Variants in ZNF420 observed in about 807,000 individuals in gnomAD.
The protein encoded by ZNF420 is ATM and p53-associated KZNF protein.
Under a neutral mutation model 44.7 loss-of-function variants are expected in ZNF420, and 31 were observed. The observed-to-expected ratio is 0.69, with a 90% CI of 0.52 to 0.94. The LOEUF is 0.94. ZNF420 is among the 40% of genes least tolerant of loss of function. The pLI is 0.00. For synonymous variants in ZNF420, 245 were observed against 267.4 expected, an observed-to-expected ratio of 0.92 and a Z score of 0.82; for missense variants, 681 against 827.9, an observed-to-expected ratio of 0.82 and a Z score of 2.18.
intron 1 of ZNF420, among the ~76,000 whole-genome samples, chr19:37,042,850 G>C (rs992359390): frequency 6.6e-6 from 1 of 152,172 alleles, no homozygotes; most frequent in Non-Finnish European, 1.5e-5. Context: ...TTGGTGTTGA[G>C]TGAAAGTGAA....
At chr19:37,010,310 A>G (rs1293417028) in intron 1 of ZNF420, among the ~76,000 whole-genome samples, 1 of 152,138 alleles carries the variant, frequency 6.6e-6, no homozygotes, top group East Asian at 1.9e-4. Context: ...GCAGTGCGGC[A>G]TCCCAGCCTC....
intron 1 of ZNF420, among the ~76,000 whole-genome samples, chr19:37,010,564 CTG>C (rs1482750818): frequency 2.6e-5 from 4 of 151,694 alleles, no homozygotes; most frequent in African/African-American, 9.7e-5. Flanking sequence ...CTCTCTCTGT[CTG>C]TGAGTGTGTG....
intron 1 of ZNF420, among the ~76,000 whole-genome samples, chr19:37,078,913 T>C (rs1968266870): frequency 1.3e-5 from 2 of 152,208 alleles, no homozygotes; most frequent in South Asian, 2.1e-4. Flanking sequence ...TTGTGTCACT[T>C]TGAGGTTGTG....
chr19:37,032,065 G>T (rs990157080), intron 1 of ZNF420, among the ~76,000 whole-genome samples: 2 of 151,972 alleles, frequency 1.3e-5, no homozygotes, highest in Non-Finnish European at 2.9e-5. Flanking sequence ...ACAAAAATTA[G>T]ACCGTGCGGT....
chr19:37,077,758 CCA>C (rs560962147), upstream of ZNF420, among the ~76,000 whole-genome samples: 17 of 152,190 alleles, frequency 1.1e-4, no homozygotes, highest in East Asian at 2.9e-3. Flanking sequence ...TCAATTACGG[CCA>C]CACACAAAAA....
chr19:37,121,713 C>T lies in ZNF420; in HGVS notation c.137-5415C>T, dbSNP rs186552223. On this transcript the variant is annotated intron_variant, in intron 4 of 4. Coordinates refer to ENST00000337995, the MANE Select transcript of ZNF420 (RefSeq NM_144689.5). ...AACCAACAAAATGGTAGAAAATTTT[C>T]GCAACCTACTCCTCTGACAAAGGGC... Among the ~76,000 whole-genome samples, 680 of 152,262 alleles carry T rather than the reference C, an allele frequency of 4.5e-3. 6 individuals carry two copies. The highest frequency in any genetic ancestry group is 0.017 in the Middle Eastern group (5 of 294).
At chr19:37,026,425 T>G (rs1237260347) in intron 1 of ZNF420, among the ~76,000 whole-genome samples, 5 of 152,080 alleles carry the variant, frequency 3.3e-5, no homozygotes, top group Non-Finnish European at 7.4e-5. Flanking sequence ...GTTCAAGCGA[T>G]TCTCCTGCCT....
chr19:37,029,277 G>A (rs1056657201), intron 1 of ZNF420, among the ~76,000 whole-genome samples: 1 of 152,136 alleles, frequency 6.6e-6, no homozygotes, highest in African/African-American at 2.4e-5. Context: ...CTTAAATTTT[G>A]TATTTCTATT....
upstream of ZNF420, chr19:37,077,976 A>T (rs1397902169): frequency 6.5e-6 from 1 of 152,952 alleles, no homozygotes; most frequent in Non-Finnish European, 1.5e-5. Context: ...AAAGACTCTC[A>T]GTCCACCTGG....
At chr19:37,033,262 A>G (rs1967295055) in intron 1 of ZNF420, among the ~76,000 whole-genome samples, 1 of 152,206 alleles carries the variant, frequency 6.6e-6, no homozygotes, top group African/African-American at 2.4e-5. Context: ...ACTAAATACA[A>G]TCACACGATT....
intron 2 of ZNF420, among the ~76,000 whole-genome samples, chr19:37,086,619 T>G (rs1968802124): frequency 6.6e-6 from 1 of 152,194 alleles, no homozygotes; most frequent in Admixed American, 6.5e-5. Flanking sequence ...GTCTCTTTCT[T>G]CCTTTAGTAC....
At chr19:37,054,112 C>T (rs1449956887) in intron 1 of ZNF420, among the ~76,000 whole-genome samples, 3 of 152,178 alleles carry the variant, frequency 2.0e-5, no homozygotes, top group Admixed American at 6.5e-5. Context: ...CTCAGACTGC[C>T]GTGCTAGCAA....
intron 1 of ZNF420, among the ~76,000 whole-genome samples, chr19:37,021,467 A>G (rs1325548120): frequency 6.6e-6 from 1 of 151,956 alleles, no homozygotes; most frequent in Non-Finnish European, 1.5e-5. Flanking sequence ...GGGTGTCTCC[A>G]TGTTGGTCAG....
At chr19:37,096,355 C>A (rs990009642) in intron 4 of ZNF420, among the ~76,000 whole-genome samples, 4 of 152,076 alleles carry the variant, frequency 2.6e-5, no homozygotes, top group African/African-American at 9.7e-5. Flanking sequence ...TTTCTTGTAT[C>A]CATGGGGACT....
chr19:37,111,651 G>A (rs1455817202), intron 4 of ZNF420: 1 of 152,120 alleles, frequency 6.6e-6, no homozygotes, highest in African/African-American at 2.4e-5. Context: ...ATCTCTAACT[G>A]GTTGAAGAGC....
At chr19:37,085,664 G>A (rs905175740) in intron 2 of ZNF420, among the ~76,000 whole-genome samples, 1 of 152,122 alleles carries the variant, frequency 6.6e-6, no homozygotes, top group Non-Finnish European at 1.5e-5. Context: ...CTAATCTAGG[G>A]GAGAGGGGAA....
In ZNF420 at chr19:37,021,748, C is replaced by T. The variant is rs1241716826; in HGVS notation, c.-125+13666C>T. On this transcript the variant is annotated intron_variant, in intron 1 of 4. Transcript: ENST00000587029. ...GGTCAGGAGTTGGAGACAAGCCTGA[C>T]CAACATGGTGAAACCCCATCTCTAC... Among the ~76,000 whole-genome samples, 3 of 151,288 alleles carry T rather than the reference C, an allele frequency of 2.0e-5. No individual in the cohort carries two copies. In the East Asian group the frequency reaches 5.9e-4, roughly 30 times the overall value.
chr19:37,098,668 A>C lies in ZNF420; in HGVS notation c.136+7547A>C, dbSNP rs184690679. 1.8e-4 allele frequency among the ~76,000 whole-genome samples: 28 copies of C among 152,332 alleles called. No homozygotes were observed. In the East Asian group the frequency reaches 3.7e-3, roughly 20 times the overall value. On this transcript the variant is annotated intron_variant, in intron 4 of 4. Transcript: ENST00000337995. ...GGATAATTAGCATATCTGTCACCTC[A>C]AACACTTGTCATTTCTTTGTGGTTA...
chr19:37,056,104 CTCTT>C (rs2146432245), intron 1 of ZNF420, among the ~76,000 whole-genome samples: 1 of 152,022 alleles, frequency 6.6e-6, no homozygotes, highest in East Asian at 1.9e-4. Context: ...CTCTCTCTCT[CTCTT>C]TCTCTTTCTG....
Sources: gnomAD v4.1 joint callset for allele counts (sites outside exome capture counted in the v4.1 genomes callset) on GRCh38, gnomAD v4.1.1 for gene constraint, MANE v1.5 for transcripts, NCBI Gene and HGNC (gene_info 2026-07-23, HGNC 2026-07-21) for gene names.